Variants in CD226 observed in about 807,000 individuals in gnomAD.
CD226 encodes the protein CD226 molecule, also known as CD226 antigen.
In CD226, 24 loss-of-function variants were observed where a neutral mutation model predicts 34.9. The observed-to-expected ratio is 0.69, with a 90% CI of 0.50 to 0.97. The LOEUF (loss-of-function observed/expected upper bound fraction) is 0.97. Ranked by LOEUF, CD226 falls within the 50% of genes least tolerant of loss-of-function variation. The pLI, the probability that CD226 is intolerant of heterozygous loss-of-function variation, is 0.00. For synonymous variants in CD226, 148 were observed against 147.4 expected (o/e 1.00, Z -0.03); for missense variants, 397 against 412.7 (o/e 0.96, Z 0.33).
intron 2 of CD226, among the ~76,000 whole-genome samples, chr18:69,929,147 G>A (rs2055558895): frequency 6.6e-6 from 1 of 152,168 alleles, no homozygotes; most frequent in South Asian, 2.1e-4. Flanking sequence ...CTGCTACCCA[G>A]CCTAGAAAAT....
intron 3 of CD226, among the ~76,000 whole-genome samples, chr18:69,891,733 C>T (rs1984915844): frequency 6.6e-6 from 1 of 152,120 alleles, no homozygotes; most frequent in South Asian, 2.1e-4. Context: ...AAAATCCCAT[C>T]CCCAATAACA....
intron 2 of CD226, among the ~76,000 whole-genome samples, chr18:69,945,822 A>T (rs2055782025): frequency 6.6e-6 from 1 of 152,174 alleles, no homozygotes. Flanking sequence ...TGTCTGGGGA[A>T]GCCTCACAAT....
In CD226 at chr18:69,860,670, T is replaced by A. The variant is rs1982766075; in HGVS notation, c.*3644A>T. 6.6e-6 allele frequency: 1 copy of A among 152,080 alleles called. No homozygotes were observed. The highest frequency in any genetic ancestry group is 2.4e-5 in the African/African-American group (1 of 41,380). 9.4% of individuals were successfully genotyped at this position (152,080 alleles called of 1,614,324 possible). On this transcript the variant is annotated 3_prime_UTR_variant, in exon 6 of 6. Transcript: ENST00000582621. ...CCCAGAGTCTTGGCTGGAAGAACTCTAATGAACAGATCAGTGAAAAAATAT... is the reference window on the plus strand; with the variant it reads ...CCCAGAGTCTTGGCTGGAAGAACTCAAATGAACAGATCAGTGAAAAAATAT...
chr18:69,951,686 T>A (rs2055855403), upstream of CD226, among the ~76,000 whole-genome samples: 1 of 152,172 alleles, frequency 6.6e-6, no homozygotes, highest in Non-Finnish European at 1.5e-5. Context: ...ATTTCAAAAC[T>A]GTAGTACACA....
rs766381804 is a variant in CD226 at position 69,862,145 on chromosome 18, A to G, written c.*2169T>C. ...TTTCATGAAGTTCCCAGTAAAAACC[A>G]CCATGACAATGGTATCTGACTATAC... On this transcript the variant is annotated 3_prime_UTR_variant, in exon 6 of 6. Coordinates refer to ENST00000582621, the MANE Select transcript of CD226 (RefSeq NM_001303618.2). The G allele has an allele frequency of 9.9e-5, 15 of 152,168 alleles. No individual in the cohort carries two copies. Among genetic ancestry groups the G allele is most frequent in the Non-Finnish European group, 1.6e-4 (11 of 68,010 alleles). 9.4% of individuals were successfully genotyped at this position (152,168 alleles called of 1,614,324 possible). A position where few individuals can be genotyped will look rare whatever the true frequency, so the allele number is the denominator to read the frequency against.
chr18:69,858,537 T>C lies in CD226; in HGVS notation c.*5777A>G, dbSNP rs1982676323. ...TCATCCGAACGTGGGGTACTGATGC[T>C]GCTCAGATTCACTGCCCTGTGTTCT... is the stretch of plus-strand genomic sequence containing the variant. On this transcript the variant is annotated 3_prime_UTR_variant, in exon 6 of 6. Coordinates refer to ENST00000582621, the MANE Select transcript of CD226 (RefSeq NM_001303618.2). 1 of 152,122 alleles carries C rather than the reference T, an allele frequency of 6.6e-6. No homozygotes were observed. The highest frequency in any genetic ancestry group is 6.5e-5 in the Admixed American group (1 of 15,270). 9.4% of individuals were successfully genotyped at this position (152,122 alleles called of 1,614,324 possible).
chr18:69,929,035 G>A (rs183667047), intron 2 of CD226, among the ~76,000 whole-genome samples: 1 of 152,220 alleles, frequency 6.6e-6, no homozygotes, highest in Admixed American at 6.5e-5. Flanking sequence ...AATTCCCAGA[G>A]GGTCCAGGAA....
Position 69,910,580 on chromosome 18 carries a change from G to A in CD226, c.383-14535C>T, listed in dbSNP as rs180758270. Among the ~76,000 whole-genome samples the A allele has an allele frequency of 3.8e-3, 576 of 152,310 alleles. 13 individuals are homozygous for A. Among genetic ancestry groups the A allele is most frequent in the Admixed American group, 0.034 (525 of 15,300 alleles). ...GGGAGAAGTGGCAACTCAATGCAAT[G>A]TGGTGGCCTGGTGGAGGAGACCCTG... On this transcript the variant is annotated intron_variant, in intron 2 of 5. Transcript: ENST00000582621.
chr18:69,955,521 C>A (rs1320112424), intron 1 of CD226, among the ~76,000 whole-genome samples: 1 of 152,114 alleles, frequency 6.6e-6, no homozygotes, highest in African/African-American at 2.4e-5. Flanking sequence ...CGAGGGTTTG[C>A]CTGCCTTCTG....
At chr18:69,865,148 C>T (rs1328944473) in intron 5 of CD226, among the ~76,000 whole-genome samples, 2 of 152,066 alleles carry the variant, frequency 1.3e-5, no homozygotes, top group African/African-American at 4.8e-5. Flanking sequence ...CACCATCACG[C>T]CCAGCTAATT....
chr18:69,873,304 T>C, intron 3 of CD226, 58 bp from the exon 4 acceptor site: 1 of 845,984 alleles, frequency 1.2e-6, no homozygotes, highest in Non-Finnish European at 2.0e-6. Flanking sequence ...CAGTAAAAAG[T>C]AAGGCAGGAA....
At chr18:69,931,487 C>G (rs569841616) in intron 2 of CD226, among the ~76,000 whole-genome samples, 1 of 152,206 alleles carries the variant, frequency 6.6e-6, no homozygotes, top group South Asian at 2.1e-4. Flanking sequence ...TTTAATATTA[C>G]AGCATCAGGC....
chr18:69,900,604 C>A (rs949775554), intron 2 of CD226, among the ~76,000 whole-genome samples: 2 of 150,586 alleles, frequency 1.3e-5, no homozygotes, highest in African/African-American at 4.9e-5. Flanking sequence ...CGGTGGCGGG[C>A]GCCTGTAGTC....
chr18:69,934,281 C>CACGGAT (rs151071818), intron 2 of CD226, among the ~76,000 whole-genome samples: 195 of 148,690 alleles, frequency 1.3e-3, no homozygotes, highest in Middle Eastern at 0.01. Context: ...ACAGAGGATA[C>CACGGAT]ACACACACAC....
At chr18:69,959,447 C>T (rs2055919429), upstream of CD226, among the ~76,000 whole-genome samples, 1 of 152,178 alleles carries the variant, frequency 6.6e-6, no homozygotes, top group East Asian at 1.9e-4. Flanking sequence ...GTCATCACAT[C>T]CCTAGTTGCA....
chr18:69,867,408 C>T lies in CD226; in HGVS notation c.834G>A (p.Arg278=). The T allele has an allele frequency of 6.4e-7, 1 of 1,561,032 alleles. No homozygotes were observed. Among genetic ancestry groups the T allele is most frequent in the East Asian group, 2.2e-5 (1 of 44,634 alleles). The part of the protein sequence containing the change: ...TTIIVIFLNR[R]RRRERRDLFT... ...ATAGATCTCTTCTCTCTCTCCTTCT[C>T]CTTCTGGAATGCATATTCAATAAAG... The change falls in exon 5 of 6, where the codon AGG becomes AGA. Residue 278 remains arginine, a synonymous_variant. Transcript: ENST00000582621.
In CD226 at chr18:69,946,850, T is replaced by C. The variant is rs1365521192; in HGVS notation, c.266A>G (p.Asn89Ser). The C allele has an allele frequency of 1.2e-6, 2 of 1,614,196 alleles. No individual in the cohort carries two copies. The highest frequency in any genetic ancestry group is 2.2e-5 in the East Asian group (1 of 44,890). ...VYFLNSTMAS[N>S]NMTLFFRNAS... ...ATTCCGAAAGAAAAGAGTCATGTTA[T>C]TGGAAGCCATCGTTGAATTCAAAAA... Residue 89 changes from asparagine to serine, a missense_variant, in exon 2 of 6, where the codon AAT (asparagine) becomes AGT (serine). By Grantham distance (46) the Asn-to-Ser change is conservative. Transcript: ENST00000582621.
At chr18:69,880,511 TA>T (rs1451587643) in intron 3 of CD226, among the ~76,000 whole-genome samples, 3 of 151,882 alleles carry the variant, frequency 2.0e-5, no homozygotes, top group Non-Finnish European at 2.9e-5. Flanking sequence ...ATATGGAACC[TA>T]AAAAAATTAA....
intron 3 of CD226, among the ~76,000 whole-genome samples, 178 bp downstream of exon 3, chr18:69,895,523 C>G (rs1335513940): frequency 6.6e-6 from 1 of 152,186 alleles, no homozygotes; most frequent in East Asian, 1.9e-4. Context: ...GATGGATTCA[C>G]AAGATAAAGA....
Sources: gnomAD v4.1 joint callset for allele counts (sites outside exome capture counted in the v4.1 genomes callset) on GRCh38, gnomAD v4.1.1 for gene constraint, MANE v1.5 for transcripts, NCBI Gene and HGNC (gene_info 2026-07-23, HGNC 2026-07-21) for gene names.